The following IRAG1 variants were observed in gnomAD, a reference collection of about 807,000 sequenced individuals.
IRAG1 encodes inositol 1,4,5-triphosphate receptor associated 1.
A neutral mutation model predicts 106.2 loss-of-function variants in IRAG1; 62 were observed. The observed-to-expected ratio is 0.58, with a 90% CI of 0.48 to 0.72. The LOEUF (loss-of-function observed/expected upper bound fraction) is 0.72, where lower values mean the gene tolerates loss of function less well. Among genes scored for constraint, IRAG1 ranks in the 30% least tolerant of loss-of-function variants. IRAG1 has a pLI of 0.00. For synonymous variants in IRAG1, 462 were observed against 443.9 expected, an observed-to-expected ratio of 1.04 and a Z score of -0.51; for missense variants, 1,064 against 1,140.7, an observed-to-expected ratio of 0.93 and a Z score of 0.97.
chr11:10,591,403 G>A (rs894658014), intron 18 of IRAG1, 145 bp downstream of exon 18: 44 of 755,802 alleles, frequency 5.8e-5, no homozygotes, highest in Middle Eastern at 4.8e-4. Flanking sequence ...TGAAATCTTT[G>A]TGGGTTTCAG....
At chr11:10,637,141 T>G (rs1857204841) in intron 2 of IRAG1, among the ~76,000 whole-genome samples, 1 of 152,224 alleles carries the variant, frequency 6.6e-6, no homozygotes, top group African/African-American at 2.4e-5. Context: ...CATCCCTCTA[T>G]TCACACTGGT....
intron 1 of IRAG1, among the ~76,000 whole-genome samples, chr11:10,673,253 C>T (rs1039643650): frequency 1.3e-5 from 2 of 152,068 alleles, no homozygotes; most frequent in African/African-American, 4.8e-5. Context: ...ACTTGCACTC[C>T]AGCCTGGGTG....
intron 1 of IRAG1, among the ~76,000 whole-genome samples, chr11:10,655,745 T>G (rs555077713): frequency 6.6e-6 from 1 of 152,292 alleles, no homozygotes; most frequent in African/African-American, 2.4e-5. Context: ...GAGAAATACC[T>G]CATTTTTTAA....
intron 18 of IRAG1, among the ~76,000 whole-genome samples, chr11:10,586,430 T>TTC (rs933018901): frequency 2.0e-5 from 3 of 151,470 alleles, no homozygotes; most frequent in African/African-American, 7.3e-5. Context: ...TTTTTTTTTT[T>TTC]TCCTTGAGAC....
intron 1 of IRAG1, among the ~76,000 whole-genome samples, chr11:10,671,834 C>A (rs965079650): frequency 6.6e-6 from 1 of 152,046 alleles, no homozygotes; most frequent in Non-Finnish European, 1.5e-5. Context: ...AATTAAAGCC[C>A]TAAATTGTTG....
intron 18 of IRAG1, among the ~76,000 whole-genome samples, chr11:10,583,460 G>A (rs556499513): frequency 2.6e-5 from 4 of 152,280 alleles, no homozygotes; most frequent in African/African-American, 4.8e-5. Context: ...AGTTTGAAGC[G>A]TGCAGACAAG....
chr11:10,614,870 A>G (rs1855267891), intron 10 of IRAG1, among the ~76,000 whole-genome samples: 1 of 152,250 alleles, frequency 6.6e-6, no homozygotes. Flanking sequence ...CATTCAGGAC[A>G]TAGGCATGGG....
In IRAG1 at chr11:10,652,110, G is replaced by A. The variant is rs1282735373; in HGVS notation, c.140C>T (p.Ser47Phe). The change falls in exon 2 of 21, where the codon TCC becomes TTC. Residue 47 changes from serine to phenylalanine, a missense_variant. Ser to Phe is a radical substitution (Grantham distance 155). Transcript: ENST00000423302. Reference sequence around the variant, plus strand: ...GTGGGGCATGGCAGCCTCCTGCTGGGAGTGGCCACGTGTGCCCGGAACCTC... The same window carrying A: ...GTGGGGCATGGCAGCCTCCTGCTGGAAGTGGCCACGTGTGCCCGGAACCTC... ...AAEVPGTRGH[S>F]QQEAAMPHIP... 1 of 1,610,196 alleles carries A rather than the reference G, an allele frequency of 6.2e-7. No individual in the cohort carries two copies.
chr11:10,626,732 G>A (rs959295186), intron 8 of IRAG1, 149 bp from the exon 9 acceptor site: 7 of 949,486 alleles, frequency 7.4e-6, no homozygotes, highest in African/African-American at 1.7e-5. Flanking sequence ...GGACGATGTG[G>A]AAGGAGAGGG....
chr11:10,677,143 A>G (rs966348382), intron 1 of IRAG1, among the ~76,000 whole-genome samples: 1 of 151,820 alleles, frequency 6.6e-6, no homozygotes, highest in Non-Finnish European at 1.5e-5. Flanking sequence ...TCTGTGCCCC[A>G]CCCATATTAA....
chr11:10,585,386 TAAC>T (rs1851849106), intron 18 of IRAG1, among the ~76,000 whole-genome samples: 2 of 152,090 alleles, frequency 1.3e-5, no homozygotes, highest in South Asian at 4.1e-4. Flanking sequence ...GGCTGTGGTC[TAAC>T]ATCTCATTTA....
intron 1 of IRAG1, among the ~76,000 whole-genome samples, chr11:10,672,910 A>C (rs1860361656): frequency 6.6e-6 from 1 of 152,268 alleles, no homozygotes; most frequent in Non-Finnish European, 1.5e-5. Flanking sequence ...AAACATGGAA[A>C]TAAACTAAAT....
At chr11:10,603,004 C>T in intron 14 of IRAG1, 116 bp downstream of exon 14, 1 of 1,201,168 alleles carries the variant, frequency 8.3e-7, no homozygotes, top group Non-Finnish European at 1.1e-6. Context: ...GCATAGGATG[C>T]CTGGCCCAGA....
At chr11:10,691,412 CT>C (rs1251421580) in intron 1 of IRAG1, among the ~76,000 whole-genome samples, 1 of 152,144 alleles carries the variant, frequency 6.6e-6, no homozygotes, top group Non-Finnish European at 1.5e-5. Context: ...AAAGGCAGGG[CT>C]TTTTAGAAAG....
intron 20 of IRAG1, among the ~76,000 whole-genome samples, chr11:10,579,215 C>A (rs1001685357): frequency 6.6e-6 from 1 of 152,190 alleles, no homozygotes; most frequent in African/African-American, 2.4e-5. Flanking sequence ...TGGGCTGAGA[C>A]CTCTGACTTT....
chr11:10,599,324 C>T lies in IRAG1; in HGVS notation c.2017+1594G>A, dbSNP rs114097510. On this transcript the variant is annotated intron_variant, in intron 15 of 20. Transcript: ENST00000423302. The stretch of plus-strand genomic sequence containing the variant: ...ACTCAATAAATGTCTGTAGAATGAA[C>T]GAATGAGACTCATGGGTAACTGCTC... 7.5e-3 allele frequency among the ~76,000 whole-genome samples: 1,147 copies of T among 152,260 alleles called. 15 individuals are homozygous for T. Among genetic ancestry groups the T allele is most frequent in the African/African-American group, 0.027 (1,106 of 41,530 alleles).
chr11:10,577,560 G>A (rs1352237899), intron 20 of IRAG1, among the ~76,000 whole-genome samples: 1 of 152,168 alleles, frequency 6.6e-6, no homozygotes, highest in Non-Finnish European at 1.5e-5. Flanking sequence ...TGAGAATACT[G>A]AGGATTCCTG....
intron 8 of IRAG1, 28 bp from the exon 9 acceptor site, chr11:10,626,611 C>G (rs771059464): frequency 3.2e-6 from 5 of 1,561,086 alleles, no homozygotes; most frequent in Non-Finnish European, 4.3e-6. Context: ...GAGCTGGAAC[C>G]CTCGGGGGCA....
chr11:10,630,416 G>A (rs1372986801), intron 4 of IRAG1, among the ~76,000 whole-genome samples: 1 of 151,206 alleles, frequency 6.6e-6, no homozygotes, highest in East Asian at 1.9e-4. Context: ...CTGTGGCCCA[G>A]GCTGGAGTGC....
Sources: gnomAD v4.1 joint callset for allele counts (sites outside exome capture counted in the v4.1 genomes callset) on GRCh38, gnomAD v4.1.1 for gene constraint, MANE v1.5 for transcripts, NCBI Gene and HGNC (gene_info 2026-07-23, HGNC 2026-07-21) for gene names.